Variants in DLGAP4 observed in about 807,000 individuals in gnomAD.
DLGAP4 encodes disks large-associated protein 4.
DLGAP4 carries 18 observed loss-of-function variants against 86.9 expected under a neutral mutation model. The observed-to-expected ratio is 0.21, with a 90% CI of 0.14 to 0.31. The LOEUF is 0.31. Among genes scored for constraint, DLGAP4 ranks in the 10% least tolerant of loss-of-function variants. The probability of loss-of-function intolerance (pLI) is 1.00; values close to 1 mark genes in which losing one functional copy is unlikely to be tolerated. For synonymous variants in DLGAP4, 548 were observed against 574.3 expected (o/e 0.95, Z 0.65); for missense variants, 1,085 against 1,362.6 (o/e 0.80, Z 3.21).
chr20:36,473,325 TGTCGCTGA>T (rs1172381372), intron 7 of DLGAP4, among the ~76,000 whole-genome samples: 2 of 152,196 alleles, frequency 1.3e-5, no homozygotes, highest in Non-Finnish European at 2.9e-5. Flanking sequence ...CACCATTTTA[TGTCGCTGA>T]GTTGTTGGGT....
intron 1 of DLGAP4, among the ~76,000 whole-genome samples, chr20:36,349,816 G>T (rs549509103): frequency 3.1e-4 from 47 of 152,278 alleles, no homozygotes; most frequent in African/African-American, 1.1e-3. Context: ...GATAAAGTAT[G>T]TGGTCATCAC....
intron 5 of DLGAP4, among the ~76,000 whole-genome samples, chr20:36,440,606 A>G (rs1435741172): frequency 6.6e-6 from 1 of 152,020 alleles, no homozygotes; most frequent in African/African-American, 2.4e-5. Context: ...AGGCTCAGAG[A>G]GGTGAAGTCA....
intron 1 of DLGAP4, among the ~76,000 whole-genome samples, chr20:36,309,074 AG>A (rs2065030638): frequency 6.7e-6 from 1 of 149,974 alleles, no homozygotes; most frequent in African/African-American, 2.5e-5. Flanking sequence ...CTCCAGCTTC[AG>A]GGTCTTCACA....
chr20:36,450,316 G>A (rs1172148381), intron 7 of DLGAP4, among the ~76,000 whole-genome samples: 1 of 152,150 alleles, frequency 6.6e-6, no homozygotes, highest in East Asian at 1.9e-4. Context: ...TGGCCAACAT[G>A]GCGAAACCCT....
chr20:36,500,818 G>A lies in DLGAP4; in HGVS notation c.2512+207G>A, dbSNP rs2036113482. ...CCTCTTTCCAGAAAGGGTTGCTGGT[G>A]ATAGCTGTTTGTTGTGCAGGCTGTG... is the stretch of plus-strand genomic sequence containing the variant. On this transcript the variant is annotated intron_variant, in intron 10 of 12. Transcript: ENST00000339266. The surrounding 1 kb of genome is among the most constrained non-coding windows in gnomAD (Gnocchi z 4.6). Among the ~76,000 whole-genome samples the A allele has an allele frequency of 6.6e-6, 1 of 152,162 alleles. No individual in the cohort carries two copies. The highest frequency in any genetic ancestry group is 1.5e-5 in the Non-Finnish European group (1 of 68,018).
Position 36,448,948 on chromosome 20 carries a change from G to T in DLGAP4, c.1648+2011G>T, listed in dbSNP as rs77094499. The stretch of plus-strand genomic sequence containing the variant: ...GACCTTGTCTCAAAGAAAAAAAAAA[G>T]CAATTGGGGTTGGATTGTTGTAGGA... On this transcript the variant is annotated intron_variant, in intron 7 of 12. Coordinates refer to ENST00000339266, the MANE Select transcript of DLGAP4 (RefSeq NM_001365621.2). 4.5e-3 allele frequency among the ~76,000 whole-genome samples: 682 copies of T among 151,728 alleles called. 10 individuals are homozygous for T. Among genetic ancestry groups the T allele is most frequent in the East Asian group, 0.042 (218 of 5,174 alleles).
At chr20:36,477,253 G>A (rs924862696) in intron 7 of DLGAP4, among the ~76,000 whole-genome samples, 1 of 151,498 alleles carries the variant, frequency 6.6e-6, no homozygotes, top group East Asian at 2.0e-4. Flanking sequence ...CCGCCACCAC[G>A]CCCGGCTAAT....
rs539585564 is a variant in DLGAP4 at position 36,349,104 on chromosome 20, C to CAA, written c.-303-17909_-303-17908dup. Among the ~76,000 whole-genome samples, 178 of 39,886 alleles carry CAA rather than the reference C, an allele frequency of 4.5e-3. 1 individual carries two copies. The highest frequency in any genetic ancestry group is 5.3e-3 in the Admixed American group (12 of 2,276). 26.2% of individuals were successfully genotyped at this position (39,886 alleles called of 152,430 possible). A position where few individuals can be genotyped will look rare whatever the true frequency, so the allele number is the denominator to read the frequency against. ...GGCGTGACAGAACAAGACTCCATCT[C>CAA]AAAAAAAAAAAAAAAAAAAAAAAAA... On this transcript the variant is annotated intron_variant, in intron 1 of 12. Transcript: ENST00000339266.
At chr20:36,335,726 A>G (rs1339241659) in intron 1 of DLGAP4, among the ~76,000 whole-genome samples, 1 of 151,994 alleles carries the variant, frequency 6.6e-6, no homozygotes, top group East Asian at 1.9e-4. Context: ...CTGTTTCCCC[A>G]TCCGTCGTGC....
intron 7 of DLGAP4, among the ~76,000 whole-genome samples, chr20:36,451,966 G>A (rs781679054): frequency 6.6e-6 from 1 of 151,798 alleles, no homozygotes; most frequent in Non-Finnish European, 1.5e-5. Flanking sequence ...CTCCCTGTAG[G>A]TCAGGTTGGT....
rs2065007908 is a variant in DLGAP4 at position 36,306,884 on chromosome 20, C to T, written c.-304+372C>T. Among the ~76,000 whole-genome samples the T allele has an allele frequency of 6.6e-6, 1 of 152,208 alleles. No individual in the cohort carries two copies. Among genetic ancestry groups the T allele is most frequent in the South Asian group, 2.1e-4 (1 of 4,836 alleles). On this transcript the variant is annotated intron_variant, in intron 1 of 12. Transcript: ENST00000339266. The surrounding 1 kb of genome is among the most constrained non-coding windows in gnomAD (Gnocchi z 4.9). ...CAAGCGGCTGCCAAAGCCTGGAAGC[C>T]CCCTCCTCAGGCCCGCCCCCTAATC...
At chr20:36,498,383 C>A (rs2035978428) in intron 8 of DLGAP4, 1 of 152,304 alleles carries the variant, frequency 6.6e-6, no homozygotes, top group Non-Finnish European at 1.5e-5. Context: ...TCCTGACCAC[C>A]CATATCTTTG....
intron 1 of DLGAP4, among the ~76,000 whole-genome samples, chr20:36,361,115 T>C (rs2030504708): frequency 6.6e-6 from 1 of 151,984 alleles, no homozygotes; most frequent in Admixed American, 6.6e-5. Flanking sequence ...GGAAGAATTA[T>C]AGTCCCCCAG....
At position 36,467,064 on chromosome 20, in the gene DLGAP4, C is replaced by CTCTCTCTCTCTCTCTCTCTCT. The variant is rs1555907464; in HGVS notation, c.1648+20127_1648+20128insTCTCTCTCTCTCTCTCTCTCT. Among the ~76,000 whole-genome samples the CTCTCTCTCTCTCTCTCTCTCT allele has an allele frequency of 1.9e-4, 23 of 118,168 alleles. 2 individuals carry two copies. Among genetic ancestry groups the CTCTCTCTCTCTCTCTCTCTCT allele is most frequent in the African/African-American group, 1.1e-3 (22 of 20,610 alleles). 77.5% of individuals were successfully genotyped at this position (118,168 alleles called of 152,430 possible). ...TCTCTCTCTCTCTCTCTCTCTCTCT[C>CTCTCTCTCTCTCTCTCTCTCT]CCCCCCCCTTCTCTCGGCCCTGCCT... On this transcript the variant is annotated intron_variant, in intron 7 of 12. Coordinates refer to ENST00000339266, the MANE Select transcript of DLGAP4 (RefSeq NM_001365621.2).
In DLGAP4 at chr20:36,517,438, T is replaced by G. The variant is rs1438674717; in HGVS notation, c.2513-6812T>G. ...TGTGCCACCACACCCGGTTATTTTT[T>G]GTATTTTTAGTAGAGATGAGGTTTC... is the stretch of plus-strand genomic sequence containing the variant. On this transcript the variant is annotated intron_variant, in intron 10 of 12. Coordinates refer to ENST00000339266, the MANE Select transcript of DLGAP4 (RefSeq NM_001365621.2). 4.6e-5 allele frequency among the ~76,000 whole-genome samples: 7 copies of G among 152,092 alleles called. No individual in the cohort carries two copies. In the East Asian group the frequency reaches 1.4e-3, roughly 29 times the overall value.
At chr20:36,360,302 G>A (rs1442414771) in intron 1 of DLGAP4, among the ~76,000 whole-genome samples, 1 of 152,166 alleles carries the variant, frequency 6.6e-6, no homozygotes, top group Non-Finnish European at 1.5e-5. Flanking sequence ...ATAAAGTCCA[G>A]CCCCTGACCC....
intron 7 of DLGAP4, among the ~76,000 whole-genome samples, chr20:36,469,007 G>T (rs1317441085): frequency 2.6e-5 from 4 of 152,164 alleles, no homozygotes; most frequent in African/African-American, 9.7e-5. Flanking sequence ...GATTTGCAGA[G>T]CACTTTCATA....
At chr20:36,420,146 G>C (rs2147517569) in intron 2 of DLGAP4, among the ~76,000 whole-genome samples, 1 of 152,282 alleles carries the variant, frequency 6.6e-6, no homozygotes, top group South Asian at 2.1e-4. Context: ...TCATTTCTTG[G>C]CGTCCCCAAG....
chr20:36,310,001 G>T (rs2065038048), intron 1 of DLGAP4, among the ~76,000 whole-genome samples: 1 of 152,086 alleles, frequency 6.6e-6, no homozygotes, highest in South Asian at 2.1e-4. Flanking sequence ...TTGGGGATTT[G>T]GGTAGATGGA....
Sources: gnomAD v4.1 joint callset for allele counts (sites outside exome capture counted in the v4.1 genomes callset) on GRCh38, gnomAD v4.1.1 for gene constraint, Gnocchi (gnomAD v3.1) non-coding constraint, MANE v1.5 for transcripts, NCBI Gene and HGNC (gene_info 2026-07-23, HGNC 2026-07-21) for gene names.